The following ZMYM1 variants were observed in gnomAD, a reference collection of about 807,000 sequenced individuals.
ZMYM1 encodes the protein zinc finger MYM-type protein 1.
A neutral mutation model predicts 60.0 loss-of-function variants in ZMYM1; 39 were observed. The observed-to-expected ratio is 0.65, with a 90% CI of 0.50 to 0.85. The LOEUF (loss-of-function observed/expected upper bound fraction) is 0.85, where lower values mean the gene tolerates loss of function less well. ZMYM1 is among the 40% of genes least tolerant of loss of function. The pLI is 0.00. For synonymous variants in ZMYM1, 413 were observed against 454.0 expected (o/e 0.91, Z 1.15); for missense variants, 1,171 against 1,309.5 (o/e 0.89, Z 1.63).
intron 1 of ZMYM1, among the ~76,000 whole-genome samples, chr1:35,088,454 ATGTGTGTGTGTGTGTGTGTGTGTGTG>A (rs764350525): frequency 9.3e-6 from 1 of 107,284 alleles, no homozygotes; most frequent in Admixed American, 1.0e-4. Flanking sequence ...ATATATATAT[ATGTGTGTGTGTGTGTGTGTGTGTGTG>A]TGTGTGTGTG....
chr1:35,101,810 C>T (rs1268417190), intron 4 of ZMYM1, among the ~76,000 whole-genome samples: 1 of 152,138 alleles, frequency 6.6e-6, no homozygotes, highest in Admixed American at 6.6e-5. Context: ...CTTGGCCTCC[C>T]AAGATTAAAG....
intron 4 of ZMYM1, among the ~76,000 whole-genome samples, chr1:35,102,598 T>C (rs1643718597): frequency 6.6e-6 from 1 of 152,256 alleles, no homozygotes; most frequent in South Asian, 2.1e-4. Flanking sequence ...ACTGTCGTTT[T>C]ACTTGAAGTG....
At chr1:35,065,126 T>C (rs1472424383) in intron 1 of ZMYM1, among the ~76,000 whole-genome samples, 2 of 152,148 alleles carry the variant, frequency 1.3e-5, no homozygotes, top group African/African-American at 4.8e-5. Context: ...TTCAACAATA[T>C]GAGTTTGAAC....
chr1:35,117,301 T>C (rs939915145), downstream of ZMYM1, among the ~76,000 whole-genome samples: 1 of 152,004 alleles, frequency 6.6e-6, no homozygotes, highest in Non-Finnish European at 1.5e-5. Flanking sequence ...CAGTATCTTC[T>C]ATATACCTGT....
downstream of ZMYM1, among the ~76,000 whole-genome samples, chr1:35,116,362 G>A (rs2148582145): frequency 6.6e-6 from 1 of 152,300 alleles, no homozygotes; most frequent in East Asian, 1.9e-4. Flanking sequence ...ATACATCTCA[G>A]CTGGATGGCA....
Position 35,111,890 on chromosome 1 carries a change from C to T in ZMYM1, c.1080C>T (p.Ile360=). Residue 360 remains isoleucine, a synonymous_variant, in exon 8 of 10, where the codon ATC becomes ATT. Coordinates refer to ENST00000359858, the MANE Select transcript of ZMYM1 (RefSeq NM_024772.5). ...SLADTDVALP[I]MNTDVLQDTV... is the part of the protein sequence containing the mutation. ...CAGACACCGATGTTGCCTTGCCCAT[C>T]ATGAACACTGATGTCTTACAAGGTA... 6.3e-7 allele frequency: 1 copy of T among 1,595,404 alleles called. No individual in the cohort carries two copies. The highest frequency in any genetic ancestry group is 1.1e-5 in the South Asian group (1 of 88,020).
In ZMYM1 at chr1:35,103,700, T is replaced by C. The variant is rs367701572; in HGVS notation, c.420-595T>C. Among the ~76,000 whole-genome samples the C allele has an allele frequency of 2.7e-4, 41 of 152,280 alleles. No individual in the cohort carries two copies. In the South Asian group the frequency reaches 8.1e-3, roughly 30 times the overall value. On this transcript the variant is annotated intron_variant, in intron 4 of 9. Transcript: ENST00000359858. ...GGAGTGGGATTGCAGGGTCCTACCA[T>C]TAGCTTTGCAACATCAGTTGCAAAG...
At chr1:35,070,388 A>T (rs1426344675) in intron 1 of ZMYM1, among the ~76,000 whole-genome samples, 12 of 152,134 alleles carry the variant, frequency 7.9e-5, no homozygotes, top group Admixed American at 7.2e-4. Context: ...CTAATAGTTC[A>T]CTATTAATAT....
intron 1 of ZMYM1, among the ~76,000 whole-genome samples, chr1:35,072,856 TGGATCCCCTGAGGTCA>T (rs945460505): frequency 1.3e-5 from 2 of 151,994 alleles, no homozygotes; most frequent in Non-Finnish European, 2.9e-5. Context: ...CCAAGACAGG[TGGATCCCCTGAGGTCA>T]GGATTTCCAG....
intron 9 of ZMYM1, 77 bp downstream of exon 9, chr1:35,112,207 T>TCAA: frequency 6.8e-7 from 1 of 1,468,744 alleles, no homozygotes; most frequent in Non-Finnish European, 9.5e-7. Flanking sequence ...AGACAGAGTC[T>TCAA]CGCTCTGCCA....
intron 6 of ZMYM1, among the ~76,000 whole-genome samples, chr1:35,105,058 G>A (rs1235052992): frequency 6.6e-6 from 1 of 151,032 alleles, no homozygotes; most frequent in African/African-American, 2.4e-5. Flanking sequence ...ACAATAGTCT[G>A]CTGGTCAATA....
rs777182239 is a variant in ZMYM1, at chr1:35,095,821, G to A, written c.99G>A (p.Glu33=). 6 of 1,587,480 alleles carry A rather than the reference G, an allele frequency of 3.8e-6. No individual in the cohort carries two copies. Among genetic ancestry groups the A allele is most frequent in the Admixed American group, 3.6e-5 (2 of 56,122 alleles). Residue 33 remains glutamate, a splice_region_variant and synonymous_variant, in exon 3 of 10, where the codon GAG becomes GAA. Transcript: ENST00000359858. ...EIKTEPDNAQ[E]YCHRQQSRTQ... is the part of the protein sequence containing the mutation. ...TATTATTTTTTTTTTCTTTTTAGGA[G>A]TATTGTCATAGGCAACAGTCCAGAA...
chr1:35,115,138 A>G lies in ZMYM1; in HGVS notation c.3308A>G (p.Gln1103Arg), dbSNP rs1400648773. The G allele has an allele frequency of 1.9e-6, 3 of 1,614,016 alleles. No individual in the cohort carries two copies. The highest frequency in any genetic ancestry group is 1.7e-5 in the Admixed American group (1 of 60,002). ...ACATATTTATGTAATACCATGGGACAAGAGAAGCTTACTGGCCCAGCCCTA... is the reference window on the plus strand; with the variant it reads ...ACATATTTATGTAATACCATGGGACGAGAGAAGCTTACTGGCCCAGCCCTA... The part of the protein sequence containing the change: ...LKTYLCNTMG[Q>R]EKLTGPALMA... The change falls in exon 10 of 10, where the codon CAA becomes CGA. Residue 1103 changes from glutamine to arginine, a missense_variant. Transcript: ENST00000359858.
chr1:35,093,768 A>G, intron 1 of ZMYM1, 146 bp from the exon 2 acceptor site: 1 of 362,010 alleles, frequency 2.8e-6, no homozygotes, highest in Non-Finnish European at 5.0e-6. Flanking sequence ...TTGAAGAATA[A>G]TGGATGAAAG....
intron 4 of ZMYM1, among the ~76,000 whole-genome samples, chr1:35,101,109 C>CTTTT (rs34048407): frequency 2.3e-5 from 3 of 129,094 alleles, no homozygotes; most frequent in Non-Finnish European, 3.2e-5. Context: ...AGCCAACATT[C>CTTTT]TTTTTTTTTT....
At position 35,112,145 on chromosome 1, in the gene ZMYM1, T is replaced by C. The variant is rs773872822; in HGVS notation, c.1146+15T>C. The C allele has an allele frequency of 4.3e-6, 7 of 1,612,264 alleles. No individual in the cohort carries two copies. Among genetic ancestry groups the C allele is most frequent in the South Asian group, 1.1e-5 (1 of 90,858 alleles). ...TCATTGTGGATGTAAGTTTTAACTT[T>C]TTTTACCACTGTCTTTTTTTAATAA... On this transcript the variant is annotated intron_variant, in intron 9 of 9. Coordinates refer to ENST00000359858, the MANE Select transcript of ZMYM1 (RefSeq NM_024772.5).
intron 8 of ZMYM1, 41 bp downstream of exon 8, chr1:35,111,953 T>C: frequency 6.4e-7 from 1 of 1,561,106 alleles, no homozygotes; most frequent in Non-Finnish European, 8.7e-7. Context: ...AATATTGTTT[T>C]GTCATACTTG....
chr1:35,078,537 A>ATTTTTT (rs751468260), upstream of ZMYM1, among the ~76,000 whole-genome samples: 68 of 82,218 alleles, frequency 8.3e-4, 2 homozygotes, highest in South Asian at 3.5e-3. Flanking sequence ...GGTTATTTTA[A>ATTTTTT]TTTTTTTTTT....
chr1:35,069,229 C>CTTT (rs1351086142), intron 1 of ZMYM1, among the ~76,000 whole-genome samples: 1 of 152,124 alleles, frequency 6.6e-6, no homozygotes, highest in Non-Finnish European at 1.5e-5. Flanking sequence ...TAAGTGTTCC[C>CTTT]TTTTCTCCAT....
Sources: allele counts gnomAD v4.1 joint callset (sites outside exome capture counted in the v4.1 genomes callset), GRCh38; gene constraint gnomAD v4.1.1; transcripts MANE v1.5; gene names NCBI Gene and HGNC (gene_info 2026-07-23, HGNC 2026-07-21).